Variants in TERB2 observed in about 807,000 individuals in gnomAD.
The protein encoded by TERB2 is telomere repeat binding bouquet formation protein 2.
TERB2 carries 26 observed loss-of-function variants against 29.8 expected under a neutral mutation model. The ratio of observed to expected loss-of-function variants is 0.87; its 90% CI spans 0.64 to 1.21. TERB2 has a LOEUF of 1.21. Among genes scored for constraint, TERB2 ranks in the 50% most tolerant of loss-of-function variants. TERB2 has a pLI of 0.00. For missense variants in TERB2, 240 were observed against 268.6 expected (o/e 0.89, Z 0.74); for synonymous variants, 80 against 90.8 (o/e 0.88, Z 0.68).
intron 5 of TERB2, among the ~76,000 whole-genome samples, chr15:44,972,233 C>CTG (rs1891982490): frequency 6.6e-6 from 1 of 151,868 alleles, no homozygotes; most frequent in Non-Finnish European, 1.5e-5. Flanking sequence ...TCAGGTGATC[C>CTG]ACCCGCCTCG....
chr15:44,963,801 A>ATTTTTTTTT (rs1358739221), intron 4 of TERB2, among the ~76,000 whole-genome samples: 3 of 128,234 alleles, frequency 2.3e-5, no homozygotes, highest in African/African-American at 9.2e-5. Context: ...TTATTATACT[A>ATTTTTTTTT]TTCTTTTTTT....
At chr15:44,960,162 CTTTGAGT>C (rs144162952) in intron 3 of TERB2, among the ~76,000 whole-genome samples, 2,524 of 152,266 alleles carry the variant, frequency 0.017, 22 homozygotes, top group Middle Eastern at 0.031. Flanking sequence ...CCTATTCTGT[CTTTGAGT>C]TTAGCATCTT....
intron 3 of TERB2, among the ~76,000 whole-genome samples, chr15:44,959,471 G>A (rs1377609104): frequency 2.6e-5 from 4 of 152,006 alleles, no homozygotes; most frequent in African/African-American, 4.8e-5. Context: ...GGGTTCAAGC[G>A]ATTCTCCTGC....
At chr15:44,970,887 A>C (rs1209781740) in intron 5 of TERB2, 4 of 154,288 alleles carry the variant, frequency 2.6e-5, no homozygotes, top group Admixed American at 6.5e-5. Context: ...CTCAATGCAA[A>C]TCTTTCAATA....
intron 4 of TERB2, 37 bp from the exon 5 acceptor site, chr15:44,966,121 C>T (rs751169512): frequency 1.3e-5 from 17 of 1,290,150 alleles, no homozygotes; most frequent in South Asian, 5.4e-5. Flanking sequence ...ACTGGTATGA[C>T]GATTTTTTAA....
intron 5 of TERB2, chr15:44,973,619 G>A (rs1384533869): frequency 5.8e-6 from 1 of 171,886 alleles, no homozygotes; most frequent in African/African-American, 2.4e-5. Flanking sequence ...CATGGCCCCT[G>A]CGCAAGGATG....
chr15:44,961,388 T>C (rs1595475150), intron 3 of TERB2, 135 bp from the exon 4 acceptor site: 1 of 597,076 alleles, frequency 1.7e-6, no homozygotes, highest in Admixed American at 3.5e-5. Flanking sequence ...GGAATCTGCA[T>C]TTTAACAAGT....
chr15:44,975,235 A>C (rs1482607237), intron 6 of TERB2, among the ~76,000 whole-genome samples: 2 of 152,194 alleles, frequency 1.3e-5, no homozygotes, highest in Non-Finnish European at 1.5e-5. Context: ...GCATTAAATA[A>C]TAGCAATTTC....
At chr15:44,965,472 A>G (rs1287259128) in intron 4 of TERB2, among the ~76,000 whole-genome samples, 1 of 144,160 alleles carries the variant, frequency 6.9e-6, no homozygotes, top group Non-Finnish European at 1.5e-5. Flanking sequence ...ATATATATTT[A>G]TAAAGATATA....
At chr15:44,958,343 A>C in intron 2 of TERB2, 30 bp from the exon 3 acceptor site, 1 of 1,571,880 alleles carries the variant, frequency 6.4e-7, no homozygotes, top group Middle Eastern at 1.7e-4. Flanking sequence ...TTTCTTTCAT[A>C]ACCTAAAATA....
chr15:44,976,642 G>C (rs1448397521), intron 6 of TERB2, among the ~76,000 whole-genome samples: 1 of 152,172 alleles, frequency 6.6e-6, no homozygotes. Flanking sequence ...AATATCAGGA[G>C]GTGGGGATCA....
chr15:44,974,347 C>T (rs1003020072), intron 6 of TERB2, among the ~76,000 whole-genome samples: 4 of 152,142 alleles, frequency 2.6e-5, no homozygotes, highest in African/African-American at 9.7e-5. Flanking sequence ...TTAGCATACA[C>T]ACATAGAAAC....
Position 44,958,439 on chromosome 15 carries a change from G to T in TERB2, c.213G>T (p.Ala71=). ...TTTTTCATGCCTACTATCTCTCTGC[G>T]GTAGCTAATGCCAAAATAAAAAACT... is the stretch of plus-strand genomic sequence containing the variant. ...ATVFHAYYLS[A]VANAKIKNSV... The change falls in exon 3 of 7, where the codon GCG becomes GCT. Residue 71 remains alanine, a synonymous_variant. Transcript: ENST00000340827. 2 of 1,613,902 alleles carry T rather than the reference G, an allele frequency of 1.2e-6. No homozygotes were observed. The highest frequency in any genetic ancestry group is 1.7e-6 in the Non-Finnish European group (2 of 1,179,994).
At chr15:44,959,101 G>A (rs1277834523) in intron 3 of TERB2, among the ~76,000 whole-genome samples, 3 of 151,902 alleles carry the variant, frequency 2.0e-5, no homozygotes, top group African/African-American at 7.2e-5. Flanking sequence ...TAATAAATGT[G>A]TTCTTTCCTA....
At chr15:44,963,359 T>C (rs1339890393) in intron 4 of TERB2, among the ~76,000 whole-genome samples, 1 of 152,162 alleles carries the variant, frequency 6.6e-6, no homozygotes, top group Non-Finnish European at 1.5e-5. Flanking sequence ...GTTCAAAACA[T>C]TTAACCCGAA....
At chr15:44,957,517 G>C (rs915431584) in intron 2 of TERB2, among the ~76,000 whole-genome samples, 1 of 152,074 alleles carries the variant, frequency 6.6e-6, no homozygotes, top group African/African-American at 2.4e-5. Context: ...ACCTGCGCCA[G>C]GGCCTGTGTT....
chr15:44,973,250 T>C (rs893662693), intron 5 of TERB2, among the ~76,000 whole-genome samples: 5 of 152,238 alleles, frequency 3.3e-5, no homozygotes, highest in African/African-American at 1.2e-4. Context: ...ATTATTTGAA[T>C]ACTAACAAAC....
At chr15:44,965,567 A>T (rs1013657019) in intron 4 of TERB2, among the ~76,000 whole-genome samples, 14 of 144,162 alleles carry the variant, frequency 9.7e-5, no homozygotes, top group South Asian at 2.1e-4. Flanking sequence ...ATATATCTAT[A>T]TATTATATAA....
chr15:44,968,369 C>T (rs1891919188), intron 5 of TERB2, among the ~76,000 whole-genome samples: 1 of 151,910 alleles, frequency 6.6e-6, no homozygotes, highest in South Asian at 2.1e-4. Flanking sequence ...GCACATGCCA[C>T]CCCACCACAC....
Sources: gnomAD v4.1 joint callset for allele counts (sites outside exome capture counted in the v4.1 genomes callset) on GRCh38, gnomAD v4.1.1 for gene constraint, MANE v1.5 for transcripts, NCBI Gene and HGNC (gene_info 2026-07-23, HGNC 2026-07-21) for gene names.